Variants in ELSPBP1 observed in about 807,000 individuals in gnomAD.
ELSPBP1 encodes epididymal sperm binding protein 1.
A neutral mutation model predicts 33.3 loss-of-function variants in ELSPBP1; 38 were observed. That is an observed-to-expected ratio of 1.14 (90% CI 0.88 to 1.50). ELSPBP1 has a LOEUF of 1.50. Among genes scored for constraint, ELSPBP1 ranks in the 40% most tolerant of loss-of-function variants. The probability of loss-of-function intolerance (pLI) is 0.00; values close to 1 mark genes in which losing one functional copy is unlikely to be tolerated. For synonymous variants in ELSPBP1, 85 were observed against 94.1 expected (o/e 0.90, Z 0.56); for missense variants, 267 against 263.5 (o/e 1.01, Z -0.09).
At chr19:48,017,649 T>C (rs893678075) in intron 4 of ELSPBP1, among the ~76,000 whole-genome samples, 1 of 151,734 alleles carries the variant, frequency 6.6e-6, no homozygotes, top group African/African-American at 2.4e-5. Flanking sequence ...CCAAAAGGGA[T>C]TGGGAGGCTG....
In ELSPBP1 at chr19:48,001,175, G is replaced by GTTT. The variant is rs58448046; in HGVS notation, c.-18+6376_-18+6378dup. On this transcript the variant is annotated intron_variant, in intron 1 of 6. Coordinates refer to ENST00000339841, the MANE Select transcript of ELSPBP1 (RefSeq NM_022142.5). ...TTCTGACTCTCCTGCCTCTCTCTCT[G>GTTT]TTTTTTTTTTTTTTGACACAGAGTC... is the stretch of plus-strand genomic sequence containing the variant. 2.1e-3 allele frequency among the ~76,000 whole-genome samples: 307 copies of GTTT among 142,814 alleles called. 3 individuals are homozygous for GTTT. Among genetic ancestry groups the GTTT allele is most frequent in the African/African-American group, 7.1e-3 (276 of 38,848 alleles). 93.7% of individuals were successfully genotyped at this position (142,814 alleles called of 152,430 possible).
chr19:48,023,421 A>G, intron 6 of ELSPBP1, among the ~76,000 whole-genome samples: 2 of 80,994 alleles, frequency 2.5e-5, no homozygotes, highest in African/African-American at 9.0e-5. Context: ...GGAGGGAGGG[A>G]GGGAAGGAGG....
At chr19:48,008,837 G>C in intron 2 of ELSPBP1, 100 bp downstream of exon 2, 1 of 1,091,008 alleles carries the variant, frequency 9.2e-7, no homozygotes. Flanking sequence ...AGATGGCTTA[G>C]CAAAAATCTC....
At chr19:48,001,373 T>G (rs2099051) in intron 1 of ELSPBP1, among the ~76,000 whole-genome samples, 150,444 of 150,618 alleles carry the variant, frequency 1, 75,137 homozygotes, top group Middle Eastern at 1. Context: ...AGTAGAGACG[T>G]GGTTTCACCA....
In ELSPBP1 at chr19:48,011,770, G is replaced by A. The variant is rs975949596; in HGVS notation, c.71-2401G>A. ...AGCGTGGAGAATGATGATGATGACA[G>A]TGATGGTAATGATGATGATGATGAC... On this transcript the variant is annotated intron_variant, in intron 2 of 6. Coordinates refer to ENST00000339841, the MANE Select transcript of ELSPBP1 (RefSeq NM_022142.5). This position sits in a 1 kb window ranked among gnomAD's most constrained non-coding sequence, Gnocchi z 4.5. 6.6e-6 allele frequency among the ~76,000 whole-genome samples: 1 copy of A among 151,790 alleles called. No homozygotes were observed. Among genetic ancestry groups the A allele is most frequent in the Non-Finnish European group, 1.5e-5 (1 of 67,952 alleles).
chr19:48,021,955 C>T (rs1175450119), intron 5 of ELSPBP1, among the ~76,000 whole-genome samples: 1 of 152,070 alleles, frequency 6.6e-6, no homozygotes, highest in African/African-American at 2.4e-5. Context: ...CTATGTTGCC[C>T]AGGCTGGTAT....
intron 1 of ELSPBP1, among the ~76,000 whole-genome samples, chr19:47,996,791 C>G (rs1182551161): frequency 1.3e-5 from 2 of 151,934 alleles, no homozygotes; most frequent in African/African-American, 4.8e-5. Flanking sequence ...AGTTTGAAAG[C>G]CAATAAATAA....
At chr19:48,020,916 G>T (rs1488003712) in intron 5 of ELSPBP1, among the ~76,000 whole-genome samples, 1 of 151,286 alleles carries the variant, frequency 6.6e-6, no homozygotes, top group African/African-American at 2.5e-5. Context: ...AGCTGTGGGT[G>T]GGGGGGTGTG....
At chr19:48,017,767 G>A (rs181682852) in intron 4 of ELSPBP1, among the ~76,000 whole-genome samples, 10 of 151,880 alleles carry the variant, frequency 6.6e-5, no homozygotes, top group African/African-American at 1.4e-4. Flanking sequence ...ATGGTGGTGC[G>A]TGCCTGTAGT....
At chr19:48,019,109 G>A (rs1026143097) in intron 4 of ELSPBP1, among the ~76,000 whole-genome samples, 5 of 151,912 alleles carry the variant, frequency 3.3e-5, no homozygotes, top group Non-Finnish European at 7.4e-5. Context: ...AGCCGAGATC[G>A]TACCACTGCA....
intron 4 of ELSPBP1, among the ~76,000 whole-genome samples, chr19:48,018,798 A>T (rs1046430979): frequency 6.6e-6 from 1 of 150,920 alleles, no homozygotes; most frequent in African/African-American, 2.4e-5. Flanking sequence ...AAGGAAATTA[A>T]AAAAAAAAGC....
chr19:48,009,637 C>G (rs1184308522), intron 2 of ELSPBP1, among the ~76,000 whole-genome samples: 1 of 152,092 alleles, frequency 6.6e-6, no homozygotes, highest in Non-Finnish European at 1.5e-5. Flanking sequence ...ATTCTTTATT[C>G]CAGAGATTCC....
At chr19:48,004,995 G>C (rs1304269809) in intron 1 of ELSPBP1, among the ~76,000 whole-genome samples, 2 of 152,196 alleles carry the variant, frequency 1.3e-5, no homozygotes, top group African/African-American at 4.8e-5. Context: ...TCAGGAGTTT[G>C]AGACCAGCCT....
intron 3 of ELSPBP1, among the ~76,000 whole-genome samples, chr19:48,015,586 A>G (rs902275607): frequency 2.0e-5 from 3 of 152,182 alleles, no homozygotes; most frequent in African/African-American, 7.2e-5. Context: ...TGAACCCAAG[A>G]GGCAGAGGTT....
intron 1 of ELSPBP1, 140 bp from the exon 2 acceptor site, chr19:48,008,511 G>C: frequency 1.6e-6 from 1 of 620,218 alleles, no homozygotes; most frequent in East Asian, 2.8e-5. Context: ...TGGGATTACA[G>C]GTGTGAGCTA....
intron 1 of ELSPBP1, among the ~76,000 whole-genome samples, chr19:47,995,895 C>T (rs899967480): frequency 1.1e-4 from 17 of 152,176 alleles, no homozygotes; most frequent in Non-Finnish European, 2.4e-4. Context: ...CTTCTCACCG[C>T]TCCACTGTGA....
At chr19:48,010,514 G>T (rs1600106064) in intron 2 of ELSPBP1, among the ~76,000 whole-genome samples, 1 of 152,118 alleles carries the variant, frequency 6.6e-6, no homozygotes, top group Non-Finnish European at 1.5e-5. Flanking sequence ...CACAGTAATC[G>T]GGAGTTATAG....
chr19:48,016,455 CTTTTCTTTCCTTCTTTCTTTCTTT>C (rs1967134319), intron 4 of ELSPBP1, among the ~76,000 whole-genome samples: 1 of 122,456 alleles, frequency 8.2e-6, no homozygotes, highest in Admixed American at 8.5e-5. Flanking sequence ...TTTTCTCTTT[CTTTTCTTTCCTTCTTTCTTTCTTT>C]CTTTCTTTCT....
intron 1 of ELSPBP1, among the ~76,000 whole-genome samples, chr19:47,998,241 G>A (rs1048272136): frequency 7.9e-5 from 12 of 151,898 alleles, no homozygotes; most frequent in Non-Finnish European, 1.3e-4. Flanking sequence ...GTGAAACCCC[G>A]TCTCTACTAA....
Sources: allele counts gnomAD v4.1 joint callset (sites outside exome capture counted in the v4.1 genomes callset), GRCh38; gene constraint gnomAD v4.1.1; non-coding constraint Gnocchi (gnomAD v3.1); transcripts MANE v1.5; gene names NCBI Gene and HGNC (gene_info 2026-07-23, HGNC 2026-07-21).